GPR89A: variants seen among roughly 807,000 people sequenced by gnomAD.
The protein encoded by GPR89A is golgi pH regulator A, also known as G protein-coupled receptor 89A.
GPR89A carries 16 observed loss-of-function variants against 52.0 expected under a neutral mutation model. The observed-to-expected ratio is 0.31, with a 90% confidence interval of 0.21 to 0.47. The LOEUF is 0.47. Ranked by LOEUF, GPR89A falls within the 20% of genes least tolerant of loss-of-function variation. GPR89A has a pLI of 1.00. For synonymous variants in GPR89A, 55 were observed against 150.9 expected (o/e 0.36, Z 4.66); for missense variants, 135 against 449.4 (o/e 0.30, Z 6.33).
At chr1:145,650,818 T>C (rs1460347173) in intron 10 of GPR89A, among the ~76,000 whole-genome samples, 1 of 152,098 alleles carries the variant, frequency 6.6e-6, no homozygotes, top group African/African-American at 2.4e-5. Flanking sequence ...TCATGTCCTT[T>C]GCTTACTTTT....
intron 1 of GPR89A, among the ~76,000 whole-genome samples, chr1:145,613,433 T>C (rs1371198581): frequency 1.3e-5 from 2 of 152,190 alleles, no homozygotes; most frequent in African/African-American, 2.4e-5. Context: ...TCTACACTGT[T>C]GTTTCCTTCA....
At chr1:145,653,312 T>G (rs1415234762) in intron 10 of GPR89A, among the ~76,000 whole-genome samples, 1 of 140,820 alleles carries the variant, frequency 7.1e-6, no homozygotes, top group Non-Finnish European at 1.5e-5. Flanking sequence ...TCTTGAGTTC[T>G]AATTTGATTG....
chr1:145,645,061 GAGAA>G (rs1253473932), intron 8 of GPR89A: 2 of 153,854 alleles, frequency 1.3e-5, no homozygotes, highest in African/African-American at 4.8e-5. Flanking sequence ...GATTGTGGAA[GAGAA>G]AGAAAAAGGA....
intron 5 of GPR89A, among the ~76,000 whole-genome samples, chr1:145,625,848 C>T (rs1428604209): frequency 6.6e-6 from 1 of 150,642 alleles, no homozygotes; most frequent in Admixed American, 6.6e-5. Context: ...CCTTTTCTAA[C>T]TTCCTCATCA....
intron 1 of GPR89A, among the ~76,000 whole-genome samples, chr1:145,613,909 C>T (rs1648481708): frequency 6.6e-6 from 1 of 152,060 alleles, no homozygotes; most frequent in Non-Finnish European, 1.5e-5. Flanking sequence ...ACTTCAGCCT[C>T]CCCATAAGCT....
chr1:145,662,141 G>C (rs2318290), intron 10 of GPR89A, among the ~76,000 whole-genome samples: 8 of 152,252 alleles, frequency 5.3e-5, no homozygotes, highest in East Asian at 1.9e-4. Flanking sequence ...ACGTCAAATT[G>C]ATTGATAGTA....
chr1:145,623,762 T>G, intron 5 of GPR89A, 48 bp downstream of exon 5: 1 of 1,592,432 alleles, frequency 6.3e-7, no homozygotes, highest in Non-Finnish European at 8.5e-7. Flanking sequence ...ACGATTTGTT[T>G]AATTTTCTGA....
At chr1:145,667,785 C>A (rs1177005807) in intron 12 of GPR89A, among the ~76,000 whole-genome samples, 2 of 152,088 alleles carry the variant, frequency 1.3e-5, no homozygotes, top group African/African-American at 4.8e-5. Flanking sequence ...CAGCTTTCTA[C>A]ATATGGCTAG....
intron 3 of GPR89A, among the ~76,000 whole-genome samples, chr1:145,621,508 T>C (rs1236663407): frequency 1.8e-4 from 27 of 151,552 alleles, no homozygotes; most frequent in Non-Finnish European, 2.9e-4. Flanking sequence ...TATTTCCTTA[T>C]AGTTCATTTC....
intron 10 of GPR89A, among the ~76,000 whole-genome samples, chr1:145,650,960 G>A (rs1651410115): frequency 6.6e-6 from 1 of 151,648 alleles, no homozygotes; most frequent in African/African-American, 2.4e-5. Flanking sequence ...TCACCCTGAT[G>A]ATAGTTTCTT....
In GPR89A at chr1:145,635,458, G is replaced by A. The variant is rs370039521; in HGVS notation, c.617+3714G>A. ...GCTCAGGTTCACTGACTAATTATTT[G>A]TCTCTATTTCTGCATGTCTTTACTA... On this transcript the variant is annotated intron_variant, in intron 7 of 13. Coordinates refer to ENST00000313835, the MANE Select transcript of GPR89A (RefSeq NM_001097612.2). 2.6e-5 allele frequency among the ~76,000 whole-genome samples: 4 copies of A among 151,674 alleles called. No individual in the cohort carries two copies. In the East Asian group the frequency reaches 5.8e-4, roughly 22 times the overall value.
At chr1:145,628,474 A>C (rs1266921195) in intron 5 of GPR89A, among the ~76,000 whole-genome samples, 1 of 151,876 alleles carries the variant, frequency 6.6e-6, no homozygotes, top group Admixed American at 6.6e-5. Context: ...ATAGTGTCGT[A>C]GTGGTTAAAG....
intron 12 of GPR89A, among the ~76,000 whole-genome samples, chr1:145,668,727 C>A (rs1227470830): frequency 6.6e-6 from 1 of 151,972 alleles, no homozygotes; most frequent in African/African-American, 2.4e-5. Flanking sequence ...ATAGCTCTTA[C>A]GATTTCGAGA....
intron 5 of GPR89A, among the ~76,000 whole-genome samples, chr1:145,627,614 A>G (rs1244875991): frequency 2.0e-5 from 3 of 152,256 alleles, no homozygotes; most frequent in African/African-American, 7.2e-5. Context: ...ACCACAAACG[A>G]AACAAACTTG....
At chr1:145,641,336 G>A (rs138790191) in intron 7 of GPR89A, among the ~76,000 whole-genome samples, 262 of 152,090 alleles carry the variant, frequency 1.7e-3, no homozygotes, top group African/African-American at 6.1e-3. Context: ...GTGGTTGCCA[G>A]AATTAAGGAA....
chr1:145,647,867 CTCTCTCTCTCTCTA>C (rs1651145799), intron 10 of GPR89A, among the ~76,000 whole-genome samples: 3 of 87,084 alleles, frequency 3.4e-5, no homozygotes, highest in African/African-American at 1.4e-4. Context: ...CTCTCTCTCT[CTCTCTCTCTCTCTA>C]TATATATATA....
Position 145,670,178 on chromosome 1 carries a change from T to C in GPR89A, c.*138T>C, listed in dbSNP as rs1211833049. ...AGCATTTTTCACCTTCATAGCATACTCCTTCCCCGTCAGGTGATACTATGA... is the reference window on the plus strand; with the variant it reads ...AGCATTTTTCACCTTCATAGCATACCCCTTCCCCGTCAGGTGATACTATGA... On this transcript the variant is annotated 3_prime_UTR_variant, in exon 14 of 14. Coordinates refer to ENST00000313835, the MANE Select transcript of GPR89A (RefSeq NM_001097612.2). 1 of 1,584,606 alleles carries C rather than the reference T, an allele frequency of 6.3e-7. No individual in the cohort carries two copies. Among genetic ancestry groups the C allele is most frequent in the Non-Finnish European group, 8.6e-7 (1 of 1,166,844 alleles).
chr1:145,637,752 C>G (rs1650347188), intron 7 of GPR89A, among the ~76,000 whole-genome samples: 2 of 152,116 alleles, frequency 1.3e-5, no homozygotes, highest in South Asian at 2.1e-4. Flanking sequence ...AGAATCCCAA[C>G]AAAGAAATGG....
chr1:145,617,009 T>G (rs1315499373), intron 2 of GPR89A, among the ~76,000 whole-genome samples: 3 of 152,158 alleles, frequency 2.0e-5, no homozygotes, highest in Non-Finnish European at 4.4e-5. Flanking sequence ...TTTATAAACA[T>G]TTTAACAGGA....
Sources: gnomAD v4.1 joint callset for allele counts (sites outside exome capture counted in the v4.1 genomes callset) on GRCh38, gnomAD v4.1.1 for gene constraint, MANE v1.5 for transcripts, NCBI Gene and HGNC (gene_info 2026-07-23, HGNC 2026-07-21) for gene names.